Variants in CERS6 observed in about 807,000 individuals in gnomAD.
The protein encoded by CERS6 is ceramide synthase 6, also known as LAG1 homolog, ceramide synthase 6.
CERS6 carries 26 observed loss-of-function variants against 56.8 expected under a neutral mutation model. The ratio of observed to expected loss-of-function variants is 0.46; its 90% CI spans 0.34 to 0.63. CERS6 has a LOEUF of 0.63. Among genes scored for constraint, CERS6 ranks in the 30% least tolerant of loss-of-function variants. The pLI, the probability that CERS6 is intolerant of heterozygous loss-of-function variation, is 0.01. For synonymous variants in CERS6, 164 were observed against 173.3 expected (o/e 0.95, Z 0.42); for missense variants, 415 against 467.5 (o/e 0.89, Z 1.04).
Position 168,773,419 on chromosome 2 carries a change from T to C in CERS6, c.*3757T>C, listed in dbSNP as rs1367189911. 1 of 152,248 alleles carries C rather than the reference T, an allele frequency of 6.6e-6. No homozygotes were observed. The highest frequency in any genetic ancestry group is 1.5e-5 in the Non-Finnish European group (1 of 68,050). The allele number at this position is 152,248 out of a possible 1,614,324, so 9.4% of individuals were successfully genotyped here. On this transcript the variant is annotated 3_prime_UTR_variant, in exon 10 of 10. Coordinates refer to ENST00000305747, the MANE Select transcript of CERS6 (RefSeq NM_203463.3). ...GGTCTTCAGGTTCTGATTAGCTTACTTTTTTCCTTTGTCTTTGGCTGATTT... is the reference window on the plus strand; with the variant it reads ...GGTCTTCAGGTTCTGATTAGCTTACCTTTTTCCTTTGTCTTTGGCTGATTT...
At chr2:168,670,587 T>C (rs1054682346) in intron 4 of CERS6, among the ~76,000 whole-genome samples, 1 of 152,178 alleles carries the variant, frequency 6.6e-6, no homozygotes, top group Non-Finnish European at 1.5e-5. Context: ...TATTTATATA[T>C]AAATAAAGGT....
intron 6 of CERS6, among the ~76,000 whole-genome samples, chr2:168,705,200 A>T (rs2105376914): frequency 6.6e-6 from 1 of 152,292 alleles, no homozygotes; most frequent in East Asian, 1.9e-4. Context: ...TCAAAGTCAT[A>T]CTTGCTTTAT....
chr2:168,675,028 T>G (rs983100419), intron 4 of CERS6, among the ~76,000 whole-genome samples: 1 of 151,864 alleles, frequency 6.6e-6, no homozygotes, highest in Non-Finnish European at 1.5e-5. Flanking sequence ...CAGGCTGGAG[T>G]GCAGTGGCGT....
chr2:168,644,030 A>G (rs548872655), intron 4 of CERS6: 1 of 927,118 alleles, frequency 1.1e-6, no homozygotes, highest in South Asian at 5.0e-5. Flanking sequence ...CCATTTTGTT[A>G]AGAACTGATA....
chr2:168,487,255 A>G (rs1694291738), intron 1 of CERS6, among the ~76,000 whole-genome samples: 2 of 152,264 alleles, frequency 1.3e-5, no homozygotes, highest in Admixed American at 6.5e-5. Context: ...AGTTTTAACT[A>G]TAACTGCAGT....
chr2:168,670,166 C>CT (rs1685872473), intron 4 of CERS6, among the ~76,000 whole-genome samples: 2 of 152,156 alleles, frequency 1.3e-5, no homozygotes, highest in Admixed American at 6.5e-5. Context: ...ATCACCATGG[C>CT]TATCTTATAG....
chr2:168,502,901 G>C (rs980953506), intron 1 of CERS6, among the ~76,000 whole-genome samples: 1 of 152,206 alleles, frequency 6.6e-6, no homozygotes, highest in Non-Finnish European at 1.5e-5. Context: ...ATCTGGATTG[G>C]ATAAGGGAGT....
intron 8 of CERS6, among the ~76,000 whole-genome samples, chr2:168,753,299 A>G (rs1035720692): frequency 7.9e-5 from 12 of 152,234 alleles, no homozygotes; most frequent in East Asian, 3.8e-4. Flanking sequence ...TTCTATAGCA[A>G]TGATTCTAGT....
Position 168,525,817 on chromosome 2 carries a change from CATTTA to C in CERS6, c.171-21777_171-21773del, listed in dbSNP as rs527641176. Among the ~76,000 whole-genome samples the C allele has an allele frequency of 2.0e-5, 3 of 152,332 alleles. No individual in the cohort carries two copies. In the East Asian group the frequency reaches 5.8e-4, roughly 29 times the overall value. ...CTCTGCAGGTCTTTAAATAAGAACTCATTTAAGTCACTCTATGAGCTGTTGCCCCT... is the reference window on the plus strand; with the variant it reads ...CTCTGCAGGTCTTTAAATAAGAACTCAGTCACTCTATGAGCTGTTGCCCCT... On this transcript the variant is annotated intron_variant, in intron 1 of 9. Coordinates refer to ENST00000305747, the MANE Select transcript of CERS6 (RefSeq NM_203463.3).
chr2:168,528,756 C>G (rs899749987), intron 1 of CERS6, among the ~76,000 whole-genome samples: 3 of 152,188 alleles, frequency 2.0e-5, no homozygotes, highest in African/African-American at 7.2e-5. Flanking sequence ...ATGAGAGAAG[C>G]TGTGTGTTCT....
intron 8 of CERS6, among the ~76,000 whole-genome samples, chr2:168,752,322 G>GTGT (rs1553516313): frequency 5.9e-5 from 5 of 85,342 alleles, no homozygotes; most frequent in Admixed American, 1.3e-4. Flanking sequence ...TGTGTGTATA[G>GTGT]AGAGAGAGAG....
chr2:168,638,797 A>G (rs1426014150), intron 4 of CERS6, among the ~76,000 whole-genome samples: 1 of 152,160 alleles, frequency 6.6e-6, no homozygotes, highest in Non-Finnish European at 1.5e-5. Flanking sequence ...GGCATTTCAG[A>G]TTGACAGCTT....
At chr2:168,572,247 G>A (rs1696002606) in intron 3 of CERS6, among the ~76,000 whole-genome samples, 2 of 152,152 alleles carry the variant, frequency 1.3e-5, no homozygotes, top group African/African-American at 4.8e-5. Flanking sequence ...GATGTAGTGG[G>A]CATTAATGCT....
intron 1 of CERS6, among the ~76,000 whole-genome samples, chr2:168,524,762 A>C (rs1408732167): frequency 6.6e-6 from 1 of 152,052 alleles, no homozygotes; most frequent in Non-Finnish European, 1.5e-5. Flanking sequence ...TGTATGTGAT[A>C]TGTACTTACA....
At chr2:168,494,590 A>C (rs1174890482) in intron 1 of CERS6, among the ~76,000 whole-genome samples, 1 of 152,164 alleles carries the variant, frequency 6.6e-6, no homozygotes, top group Non-Finnish European at 1.5e-5. Context: ...CAGTGAGCTG[A>C]GTGTGTCCTG....
intron 6 of CERS6, among the ~76,000 whole-genome samples, chr2:168,702,249 G>A (rs73028461): frequency 0.031 from 4,693 of 152,232 alleles, 240 homozygotes; most frequent in African/African-American, 0.11. Flanking sequence ...ATTGGAAATA[G>A]GTATGCAATG....
rs183335455 is a variant in CERS6, at chr2:168,545,308, G to A, written c.171-2288G>A. 7.2e-5 allele frequency among the ~76,000 whole-genome samples: 11 copies of A among 152,234 alleles called. No individual in the cohort carries two copies. In the East Asian group the frequency reaches 2.1e-3, roughly 29 times the overall value. ...CCCACCCTATCCTTTGGACATTGCT[G>A]TAAAAATATGTTAACAAAGCATCAT... On this transcript the variant is annotated intron_variant, in intron 1 of 9. Transcript: ENST00000305747.
At chr2:168,722,890 T>C (rs1469146954) in intron 8 of CERS6, among the ~76,000 whole-genome samples, 1 of 152,236 alleles carries the variant, frequency 6.6e-6, no homozygotes, top group Non-Finnish European at 1.5e-5. Context: ...TTCCTGATGA[T>C]ATCACTGTCC....
intron 1 of CERS6, among the ~76,000 whole-genome samples, chr2:168,528,410 G>A (rs891362356): frequency 2.0e-5 from 3 of 152,166 alleles, no homozygotes; most frequent in African/African-American, 7.2e-5. Flanking sequence ...GCTGGTGGCT[G>A]TTCCTACCTC....
Sources: allele counts gnomAD v4.1 joint callset (sites outside exome capture counted in the v4.1 genomes callset), GRCh38; gene constraint gnomAD v4.1.1; transcripts MANE v1.5; gene names NCBI Gene and HGNC (gene_info 2026-07-23, HGNC 2026-07-21).